The following ASH1L variants were observed in gnomAD, a reference collection of about 807,000 sequenced individuals.
ASH1L encodes histone-lysine N-methyltransferase ASH1L.
In ASH1L, 23 loss-of-function variants were observed where a neutral mutation model predicts 269.0. That is an observed-to-expected ratio of 0.09 (90% CI 0.06 to 0.12). ASH1L has a LOEUF of 0.12. Among genes scored for constraint, ASH1L ranks in the 10% least tolerant of loss-of-function variants. The pLI is 1.00. For synonymous variants in ASH1L, 1,187 were observed against 1,253.5 expected (o/e 0.95, Z 1.12); for missense variants, 2,912 against 3,567.8 (o/e 0.82, Z 4.68).
At chr1:155,461,299 C>T (rs573672860) in intron 3 of ASH1L, among the ~76,000 whole-genome samples, 3 of 152,274 alleles carry the variant, frequency 2.0e-5, no homozygotes, top group Non-Finnish European at 4.4e-5. Flanking sequence ...AATCACATTG[C>T]TGTAAATAGT....
At chr1:155,372,500 G>A (rs1656049508) in intron 10 of ASH1L, among the ~76,000 whole-genome samples, 1 of 151,574 alleles carries the variant, frequency 6.6e-6, no homozygotes, top group African/African-American at 2.4e-5. Flanking sequence ...GTAGAGACGA[G>A]GTTTTGCCAT....
chr1:155,432,548 C>CTGT (rs2148598642), intron 5 of ASH1L, among the ~76,000 whole-genome samples: 1 of 152,208 alleles, frequency 6.6e-6, no homozygotes, highest in South Asian at 2.1e-4. Flanking sequence ...AGTTGAAAAA[C>CTGT]TGTTGCTATC....
chr1:155,554,202 A>G (rs1445919873), intron 1 of ASH1L, among the ~76,000 whole-genome samples: 1 of 151,552 alleles, frequency 6.6e-6, no homozygotes, highest in Non-Finnish European at 1.5e-5. Flanking sequence ...CTCTCACCTC[A>G]GCCTCCCAAG....
At position 155,338,483 on chromosome 1, in the gene ASH1L, G is replaced by A. The variant is rs574219995; in HGVS notation, c.8502-93C>T. 9.3e-6 allele frequency: 11 copies of A among 1,187,224 alleles called. No individual in the cohort carries two copies. In the African/African-American group the frequency reaches 1.4e-4, roughly 15 times the overall value. The allele number at this position is 1,187,224 out of a possible 1,614,324, so 73.5% of individuals were successfully genotyped here. ...CCTCAAGATGGCTTGAGATCCTGGA[G>A]TCCAGCAGTTAGAGCCTTAGCTTGA... On this transcript the variant is annotated intron_variant, in intron 26 of 27. Transcript: ENST00000392403.
chr1:155,501,377 CTAAT>C (rs1316702056), intron 2 of ASH1L, among the ~76,000 whole-genome samples: 3 of 152,032 alleles, frequency 2.0e-5, no homozygotes, highest in Non-Finnish European at 4.4e-5. Context: ...TCAGATGTTC[CTAAT>C]TATTTATTAC....
intron 4 of ASH1L, 39 bp downstream of exon 4, chr1:155,459,758 A>G: frequency 6.6e-7 from 1 of 1,504,212 alleles, no homozygotes; most frequent in Non-Finnish European, 9.2e-7. Context: ...AACAAATGGG[A>G]AACTATCTTG....
intron 5 of ASH1L, chr1:155,433,329 G>A: frequency 3.8e-6 from 6 of 1,587,276 alleles, no homozygotes; most frequent in Non-Finnish European, 4.3e-6. Context: ...ATCGGGCCGG[G>A]AGTTGGGTCA....
chr1:155,358,301 T>A (rs1300215509), intron 13 of ASH1L, among the ~76,000 whole-genome samples: 2 of 152,184 alleles, frequency 1.3e-5, no homozygotes, highest in East Asian at 3.9e-4. Context: ...CACAGGGCAA[T>A]CTCTTTCTTC....
intron 1 of ASH1L, among the ~76,000 whole-genome samples, chr1:155,547,318 CAT>C (rs1018778975): frequency 6.6e-6 from 1 of 151,834 alleles, no homozygotes; most frequent in African/African-American, 2.4e-5. Flanking sequence ...GACACATGCA[CAT>C]GTGTTTCTGT....
chr1:155,413,606 G>C (rs193265715), intron 6 of ASH1L, among the ~76,000 whole-genome samples: 1 of 151,894 alleles, frequency 6.6e-6, no homozygotes, highest in Non-Finnish European at 1.5e-5. Flanking sequence ...AAACTCCATC[G>C]CAACAAACAA....
At chr1:155,534,087 G>A (rs1277982644) in intron 1 of ASH1L, among the ~76,000 whole-genome samples, 2 of 149,554 alleles carry the variant, frequency 1.3e-5, no homozygotes, top group African/African-American at 4.9e-5. Context: ...AGAGTTCCCA[G>A]CTGCTTGAGC....
rs576796364 is a variant in ASH1L at position 155,386,719 on chromosome 1, T to C, written c.6104-6603A>G. Among the ~76,000 whole-genome samples, 24 of 152,150 alleles carry C rather than the reference T, an allele frequency of 1.6e-4. 1 individual carries two copies. Among genetic ancestry groups the C allele is most frequent in the African/African-American group, 5.3e-4 (22 of 41,522 alleles). On this transcript the variant is annotated intron_variant, in intron 7 of 27. Transcript: ENST00000392403. ...TTGCCCACTTCTCAATGGTTTTTTT[T>C]CTTGTATATTTAAGTTCCTTATAGA...
intron 1 of ASH1L, among the ~76,000 whole-genome samples, chr1:155,527,670 T>C (rs1669358559): frequency 6.6e-6 from 1 of 151,504 alleles, no homozygotes. Context: ...CAAGTAGCTA[T>C]TCCAAGTAGC....
At chr1:155,474,945 A>T (rs1211035001) in intron 3 of ASH1L, among the ~76,000 whole-genome samples, 1 of 152,202 alleles carries the variant, frequency 6.6e-6, no homozygotes, top group African/African-American at 2.4e-5. Flanking sequence ...TAAAAATGCA[A>T]ACCTAAAATC....
intron 10 of ASH1L, among the ~76,000 whole-genome samples, chr1:155,375,371 T>G (rs886909611): frequency 6.6e-6 from 1 of 152,224 alleles, no homozygotes; most frequent in Non-Finnish European, 1.5e-5. Context: ...ATGTTTCTAT[T>G]TGTTGTGTCT....
rs758421570 is a variant in ASH1L at position 155,479,878 on chromosome 1, A to C, written c.2992T>G (p.Leu998Val). The C allele has an allele frequency of 1.6e-5, 26 of 1,612,086 alleles. No homozygotes were observed. In the East Asian group the frequency reaches 5.3e-4, roughly 33 times the overall value. ...KMKTLKRKKL[L>V]NQILSSSVES... ...ACAGAACTTGAAAGAATCTGATTCA[A>C]CAGTTTCTTTCTCTTTAAAGTCTTC... The change falls in exon 3 of 28, where the codon TTG (leucine) becomes GTG (valine). Residue 998 changes from leucine to valine, a missense_variant. Around this residue, in one of 13 missense-constraint regions of ASH1L, gnomAD observed 715 missense variants for 721.0 expected, o/e 0.99. Coordinates refer to ENST00000392403, the MANE Select transcript of ASH1L (RefSeq NM_018489.3).
chr1:155,371,547 CAAAATAAATAAAT>C (rs1655945443), intron 10 of ASH1L, among the ~76,000 whole-genome samples: 1 of 151,646 alleles, frequency 6.6e-6, no homozygotes, highest in South Asian at 2.1e-4. Flanking sequence ...GACTCCGTCT[CAAAATAAATAAAT>C]AAAATAAATA....
chr1:155,502,063 TTTC>T (rs1667544782), intron 2 of ASH1L, among the ~76,000 whole-genome samples: 1 of 150,590 alleles, frequency 6.6e-6, no homozygotes, highest in African/African-American at 2.5e-5. Flanking sequence ...TTTCTTTTCT[TTTC>T]TTTTCTTTTT....
At chr1:155,553,816 T>G (rs74724926) in intron 1 of ASH1L, among the ~76,000 whole-genome samples, 1 of 151,798 alleles carries the variant, frequency 6.6e-6, no homozygotes, top group African/African-American at 2.4e-5. Flanking sequence ...TTTTTTTTTT[T>G]GAGATGAAAT....
Sources: allele counts gnomAD v4.1 joint callset (sites outside exome capture counted in the v4.1 genomes callset), GRCh38; gene constraint gnomAD v4.1.1; regional missense constraint gnomAD v4.1.1; transcripts MANE v1.5; gene names NCBI Gene and HGNC (gene_info 2026-07-23, HGNC 2026-07-21).